Variants in PIK3C3 observed in about 807,000 individuals in gnomAD.
PIK3C3 encodes PI3-kinase type 3.
PIK3C3 carries 95 observed loss-of-function variants against 126.1 expected under a neutral mutation model. That is an observed-to-expected ratio of 0.75 (90% confidence interval 0.64 to 0.89). The LOEUF (loss-of-function observed/expected upper bound fraction) is 0.89. Among genes scored for constraint, PIK3C3 ranks in the 40% least tolerant of loss-of-function variants. The pLI, the probability that PIK3C3 is intolerant of heterozygous loss-of-function variation, is 0.00. For missense variants in PIK3C3, 829 were observed against 1,063.2 expected (o/e 0.78, Z 3.06); for synonymous variants, 374 against 360.0 (o/e 1.04, Z -0.44).
intron 24 of PIK3C3, among the ~76,000 whole-genome samples, chr18:42,076,139 T>C (rs1392839248): frequency 6.9e-5 from 5 of 72,578 alleles, no homozygotes; most frequent in Non-Finnish European, 1.3e-4. Context: ...TATATATATA[T>C]ATATGCGCAT....
Position 42,084,422 on chromosome 18 carries a change from C to T in PIK3C3, c.*3285C>T, listed in dbSNP as rs1057460492. 1.3e-5 allele frequency: 2 copies of T among 151,832 alleles called. No homozygotes were observed. Among genetic ancestry groups the T allele is most frequent in the Non-Finnish European group, 1.5e-5 (1 of 67,962 alleles). 9.4% of individuals were successfully genotyped at this position (151,832 alleles called of 1,614,324 possible). The stretch of plus-strand genomic sequence containing the variant: ...AATGTGAACTTTCTATAATTATATA[C>T]AGAAAATATACTGATTTGCCAAAAT... On this transcript the variant is annotated 3_prime_UTR_variant, in exon 25 of 25. Transcript: ENST00000262039.
rs1181172124 is a variant in PIK3C3 at position 41,992,985 on chromosome 18, TAAAA to T, written c.715-280_715-277del. ...CCACTGTCATTATATGAACGAAGTT[TAAAA>T]AAAAGGAACAACTCGAAACAATCTA... On this transcript the variant is annotated intron_variant, in intron 6 of 24. Transcript: ENST00000262039. 2.0e-5 allele frequency among the ~76,000 whole-genome samples: 3 copies of T among 151,928 alleles called. No homozygotes were observed. The East Asian group carries it at 5.8e-4, about 29-fold the overall frequency.
At chr18:42,071,940 A>C (rs978514081) in intron 24 of PIK3C3, among the ~76,000 whole-genome samples, 4 of 152,166 alleles carry the variant, frequency 2.6e-5, no homozygotes, top group African/African-American at 4.8e-5. Context: ...TTGTTTAGGC[A>C]CTGAAGCATA....
chr18:41,992,953 T>A (rs951429041), intron 6 of PIK3C3, among the ~76,000 whole-genome samples: 23 of 152,238 alleles, frequency 1.5e-4, no homozygotes, highest in South Asian at 6.2e-4. Context: ...AGCACGTTTT[T>A]AAAAATCCAC....
At position 41,987,848 on chromosome 18, in the gene PIK3C3, G is replaced by A. The variant is rs1598871335; in HGVS notation, c.568G>A (p.Val190Ile). Residue 190 changes from valine to isoleucine, a missense_variant, in exon 5 of 25, where the codon GTA (valine) becomes ATA (isoleucine). Coordinates refer to ENST00000262039, the MANE Select transcript of PIK3C3 (RefSeq NM_002647.4). ...TCATCGACAAGGACACATGGTGAAAGTAGATTGGCTGGATAGATTGACATT... is the reference window on the plus strand; with the variant it reads ...TCATCGACAAGGACACATGGTGAAAATAGATTGGCTGGATAGATTGACATT... ...KAHRQGHMVK[V>I]DWLDRLTFRE... is the part of the protein sequence containing the mutation. The A allele has an allele frequency of 6.2e-7, 1 of 1,607,596 alleles. No individual in the cohort carries two copies. Among genetic ancestry groups the A allele is most frequent in the Non-Finnish European group, 8.5e-7 (1 of 1,176,398 alleles).
chr18:41,979,874 C>CATTCTTATT (rs1981108132), intron 4 of PIK3C3, among the ~76,000 whole-genome samples: 1 of 132,742 alleles, frequency 7.5e-6, no homozygotes, highest in African/African-American at 2.8e-5. Flanking sequence ...GGAATCATGC[C>CATTCTTATT]ATTATTATTA....
chr18:42,079,069 A>G (rs1986141486), intron 24 of PIK3C3, among the ~76,000 whole-genome samples: 1 of 152,234 alleles, frequency 6.6e-6, no homozygotes, highest in Non-Finnish European at 1.5e-5. Flanking sequence ...ATTTCTTTGC[A>G]TTTAAAACTT....
In PIK3C3 at chr18:42,085,014, C is replaced by G. The variant is rs1034591695; in HGVS notation, c.*3877C>G. On this transcript the variant is annotated 3_prime_UTR_variant, in exon 25 of 25. Transcript: ENST00000262039. ...GGCTCTGTTACGCTGGTCATCCAACCCAACCAGGTATCTCTTGTTATATGC... is the reference window on the plus strand; with the variant it reads ...GGCTCTGTTACGCTGGTCATCCAACGCAACCAGGTATCTCTTGTTATATGC... 2.6e-5 allele frequency: 4 copies of G among 152,172 alleles called. No homozygotes were observed. Among genetic ancestry groups the G allele is most frequent in the African/African-American group, 9.7e-5 (4 of 41,432 alleles). The allele number at this position is 152,172 out of a possible 1,614,324, so 9.4% of individuals were successfully genotyped here.
intron 3 of PIK3C3, among the ~76,000 whole-genome samples, chr18:41,967,329 C>T (rs957838170): frequency 6.6e-6 from 1 of 152,140 alleles, no homozygotes; most frequent in African/African-American, 2.4e-5. Flanking sequence ...TTTTCTTCCA[C>T]CTGTCCTCAA....
intron 24 of PIK3C3, among the ~76,000 whole-genome samples, chr18:42,072,710 T>C (rs181390591): frequency 6.7e-6 from 1 of 150,020 alleles, no homozygotes; most frequent in East Asian, 1.9e-4. Context: ...TTTTAATTTA[T>C]TTTTTTGTAG....
intron 18 of PIK3C3, 96 bp from the exon 19 acceptor site, chr18:42,040,581 C>T (rs958514868): frequency 5.0e-6 from 4 of 794,950 alleles, no homozygotes; most frequent in African/African-American, 3.5e-5. Context: ...ATATGGAATG[C>T]ATTTATTCAG....
At chr18:42,000,344 G>A (rs1002921942) in intron 9 of PIK3C3, among the ~76,000 whole-genome samples, 9 of 152,144 alleles carry the variant, frequency 5.9e-5, no homozygotes, top group South Asian at 2.1e-4. Flanking sequence ...GAGTCAGCAC[G>A]CTGGCCTAAC....
In PIK3C3 at chr18:42,013,583, G is replaced by T. The variant is rs750966986; in HGVS notation, c.1312G>T (p.Ala438Ser). The change falls in exon 11 of 25, where the codon GCA becomes TCA. Residue 438 changes from alanine (A) to serine (S), a missense_variant. Ala to Ser is a moderately conservative substitution (Grantham distance 99). Coordinates refer to ENST00000262039, the MANE Select transcript of PIK3C3 (RefSeq NM_002647.4). ...TGTGTCAAATTCTGGAATAAATTCTGCAGAAATAGATAGGTATGGATATCC... is the reference window on the plus strand; with the variant it reads ...TGTGTCAAATTCTGGAATAAATTCTTCAGAAATAGATAGGTATGGATATCC... Reference protein sequence around the residue: ...ENVSNSGINSAEIDSSQIITS... With the variant: ...ENVSNSGINSSEIDSSQIITS... 6.2e-7 allele frequency: 1 copy of T among 1,600,474 alleles called. No individual in the cohort carries two copies. The highest frequency in any genetic ancestry group is 8.5e-7 in the Non-Finnish European group (1 of 1,172,678).
intron 9 of PIK3C3, 123 bp downstream of exon 9, chr18:41,996,853 T>C: frequency 4.3e-6 from 2 of 468,818 alleles, no homozygotes; most frequent in Non-Finnish European, 7.7e-6. Context: ...CAGAGCAGTA[T>C]ATATGAGACT....
At chr18:41,964,474 T>G (rs190923710) in intron 3 of PIK3C3, among the ~76,000 whole-genome samples, 53 of 152,216 alleles carry the variant, frequency 3.5e-4, no homozygotes, top group Admixed American at 1.2e-3. Flanking sequence ...GAGTAGTTTA[T>G]GATTGTTACA....
chr18:42,038,963 G>A (rs902561571), intron 18 of PIK3C3, 113 bp downstream of exon 18: 7 of 654,418 alleles, frequency 1.1e-5, no homozygotes, highest in Non-Finnish European at 1.8e-5. Context: ...TTGTAGCACT[G>A]AAGACAAGTT....
chr18:41,994,223 A>G (rs1044526787), intron 7 of PIK3C3, among the ~76,000 whole-genome samples: 4 of 152,148 alleles, frequency 2.6e-5, no homozygotes, highest in African/African-American at 9.7e-5. Flanking sequence ...GTTAAAAAGA[A>G]AAGGCCACTT....
chr18:42,043,382 C>T (rs1984413976), intron 19 of PIK3C3, among the ~76,000 whole-genome samples: 1 of 152,176 alleles, frequency 6.6e-6, no homozygotes, highest in Non-Finnish European at 1.5e-5. Flanking sequence ...TGAGCCACCA[C>T]ATCTGGCCAG....
rs768073699 is a variant in PIK3C3 at position 42,040,660 on chromosome 18, C to T, written c.2039-17C>T. ...ACCAGTAGCTATGCTTAATGCAGTG[C>T]ATACATTTCTGTGTAGGCTTCATGC... is the stretch of plus-strand genomic sequence containing the variant. On this transcript the variant is annotated splice_polypyrimidine_tract_variant and intron_variant, in intron 18 of 24. Transcript: ENST00000262039. 3 of 1,578,832 alleles carry T rather than the reference C, an allele frequency of 1.9e-6. No homozygotes were observed. The highest frequency in any genetic ancestry group is 2.6e-6 in the Non-Finnish European group (3 of 1,150,666).
Sources: gnomAD v4.1 joint callset for allele counts (sites outside exome capture counted in the v4.1 genomes callset) on GRCh38, gnomAD v4.1.1 for gene constraint, MANE v1.5 for transcripts, NCBI Gene and HGNC (gene_info 2026-07-23, HGNC 2026-07-21) for gene names.